Variants in JPH3 observed in about 807,000 individuals in gnomAD.
JPH3 encodes junctophilin-3.
In JPH3, 11 loss-of-function variants were observed where a neutral mutation model predicts 59.6. The observed-to-expected ratio is 0.18, with a 90% CI of 0.12 to 0.31. JPH3 has a LOEUF of 0.31. Ranked by LOEUF, JPH3 falls within the 10% of genes least tolerant of loss-of-function variation. The pLI is 1.00. For synonymous variants in JPH3, 673 were observed against 483.6 expected, an observed-to-expected ratio of 1.39 and a Z score of -5.14; for missense variants, 1,202 against 1,105.7, an observed-to-expected ratio of 1.09 and a Z score of -1.24.
At position 87,674,210 on chromosome 16, in the gene JPH3, T is replaced by C. The variant is rs189266538; in HGVS notation, c.1161-9932T>C. Among the ~76,000 whole-genome samples, 113 of 152,148 alleles carry C rather than the reference T, an allele frequency of 7.4e-4. 2 individuals carry two copies. The highest frequency in any genetic ancestry group is 2.6e-3 in the African/African-American group (108 of 41,516). On this transcript the variant is annotated intron_variant, in intron 2 of 4. Coordinates refer to ENST00000284262, the MANE Select transcript of JPH3 (RefSeq NM_020655.4). ...TTAGCCAGGCGTGGTGGCGGGCGCCTGTAGTCCCAGCTACTCGGGAGTGTG... is the reference window on the plus strand; with the variant it reads ...TTAGCCAGGCGTGGTGGCGGGCGCCCGTAGTCCCAGCTACTCGGGAGTGTG...
At chr16:87,684,893 G>A (rs2033380159) in intron 3 of JPH3, among the ~76,000 whole-genome samples, 1 of 152,078 alleles carries the variant, frequency 6.6e-6, no homozygotes, top group African/African-American at 2.4e-5. Flanking sequence ...TGGGGTGGGT[G>A]GCGGAGAGGC....
intron 2 of JPH3, among the ~76,000 whole-genome samples, chr16:87,646,634 T>C (rs942060751): frequency 2.0e-5 from 3 of 152,242 alleles, no homozygotes; most frequent in African/African-American, 4.8e-5. Flanking sequence ...TGAATTTCTT[T>C]CCTCTGTGTT....
chr16:87,667,311 A>C (rs1259019776), intron 2 of JPH3, among the ~76,000 whole-genome samples: 4 of 152,174 alleles, frequency 2.6e-5, no homozygotes, highest in African/African-American at 9.7e-5. Context: ...TCCCGACGTG[A>C]ATGGAATATT....
intron 2 of JPH3, among the ~76,000 whole-genome samples, chr16:87,677,030 G>A (rs943895793): frequency 2.0e-5 from 3 of 151,442 alleles, no homozygotes; most frequent in Non-Finnish European, 2.9e-5. Flanking sequence ...GTGGTGGCGG[G>A]CGCCTGTAGT....
chr16:87,613,622 A>G (rs552780003), intron 1 of JPH3, among the ~76,000 whole-genome samples: 5 of 152,188 alleles, frequency 3.3e-5, no homozygotes, highest in South Asian at 2.1e-4. Flanking sequence ...AGCCCAGCCT[A>G]TTGTGTTGTT....
rs115575851 is a variant in JPH3 at position 87,695,984 on chromosome 16, A to C, written c.2167-596A>C. On this transcript the variant is annotated intron_variant, in intron 4 of 4. Coordinates refer to ENST00000284262, the MANE Select transcript of JPH3 (RefSeq NM_020655.4). ...GCAGCAGCATTCAGGACCATAACCT[A>C]AATCCAAGGCAGCTCGCAATTGGAC... The C allele has an allele frequency of 1.8e-3, 822 of 456,036 alleles. 6 individuals carry two copies. Among genetic ancestry groups the C allele is most frequent in the African/African-American group, 0.014 (719 of 50,176 alleles). 28.2% of individuals were successfully genotyped at this position (456,036 alleles called of 1,614,324 possible).
At chr16:87,658,770 C>T (rs1201190223) in intron 2 of JPH3, among the ~76,000 whole-genome samples, 1 of 152,188 alleles carries the variant, frequency 6.6e-6, no homozygotes, top group Non-Finnish European at 1.5e-5. Flanking sequence ...CTCCAGCCAC[C>T]CCTCACCTGG....
chr16:87,667,408 A>G lies in JPH3; in HGVS notation c.1161-16734A>G, dbSNP rs549173087. Among the ~76,000 whole-genome samples the G allele has an allele frequency of 1.4e-4, 22 of 152,366 alleles. No individual in the cohort carries two copies. The South Asian group carries it at 4.3e-3, about 30-fold the overall frequency. ...AAGCACAGGCAGTGGAGACTGTGTC[A>G]TGCTCTGATCCGAACAATCGTCCTT... On this transcript the variant is annotated intron_variant, in intron 2 of 4. Coordinates refer to ENST00000284262, the MANE Select transcript of JPH3 (RefSeq NM_020655.4).
intron 1 of JPH3, among the ~76,000 whole-genome samples, chr16:87,619,115 G>A (rs1298441205): frequency 3.3e-5 from 5 of 150,428 alleles, no homozygotes; most frequent in Non-Finnish European, 5.9e-5. Flanking sequence ...GGGGCACTGC[G>A]CACCAGCCTG....
Position 87,603,023 on chromosome 16 carries a change from G to C in JPH3, c.-124G>C, listed in dbSNP as rs1383252808. ...GCCCGCGCCCGAGACCGCGCTCCGG[G>C]GCCGCGTCCTCCTCTCCTCCGGAAA... On this transcript the variant is annotated 5_prime_UTR_variant, in exon 1 of 5. Coordinates refer to ENST00000284262, the MANE Select transcript of JPH3 (RefSeq NM_020655.4). 2.3e-6 allele frequency: 3 copies of C among 1,279,224 alleles called. No homozygotes were observed. The highest frequency in any genetic ancestry group is 3.2e-6 in the Non-Finnish European group (3 of 940,802). 79.2% of individuals were successfully genotyped at this position (1,279,224 alleles called of 1,614,324 possible).
chr16:87,642,100 G>C (rs745375967), intron 1 of JPH3, among the ~76,000 whole-genome samples: 1 of 152,292 alleles, frequency 6.6e-6, no homozygotes, highest in East Asian at 1.9e-4. Flanking sequence ...GGACCCTTTG[G>C]GGGGTGGCGG....
At position 87,696,589 on chromosome 16, in the gene JPH3, C is replaced by T. The variant is rs1403116991; in HGVS notation, c.2176C>T (p.Pro726Ser). The T allele has an allele frequency of 6.2e-7, 1 of 1,613,280 alleles. No homozygotes were observed. Reference sequence around the variant, plus strand: ...CCTCGCTCTCTTCCAGGGCTCAGCGCCTATCCTGGTGGTCATGGTGATCTT... The same window carrying T: ...CCTCGCTCTCTTCCAGGGCTCAGCGTCTATCCTGGTGGTCATGGTGATCTT... ...DELKSSTGSA[P>S]ILVVMVILLN... Residue 726 changes from proline (P) to serine (S), a missense_variant, in exon 5 of 5, where the codon CCT (proline) becomes TCT (serine). Coordinates refer to ENST00000284262, the MANE Select transcript of JPH3 (RefSeq NM_020655.4).
intron 3 of JPH3, among the ~76,000 whole-genome samples, chr16:87,684,831 G>T (rs940798734): frequency 1.3e-5 from 2 of 152,176 alleles, no homozygotes; most frequent in Non-Finnish European, 2.9e-5. Flanking sequence ...CCCTTCGAGG[G>T]GGGGATCATG....
intron 1 of JPH3, among the ~76,000 whole-genome samples, chr16:87,622,741 C>A (rs964685489): frequency 1.3e-5 from 2 of 151,892 alleles, no homozygotes; most frequent in Non-Finnish European, 2.9e-5. Context: ...AAATCAGACC[C>A]CCCCCCGCCC....
At chr16:87,639,623 G>GCCTCCCTCCTGT (rs2031874732) in intron 1 of JPH3, among the ~76,000 whole-genome samples, 1 of 121,646 alleles carries the variant, frequency 8.2e-6, no homozygotes, top group African/African-American at 3.2e-5. Context: ...CTCCCTCCTG[G>GCCTCCCTCCTGT]CCTCCCTCCT....
At chr16:87,688,611 C>A (rs866075490) in intron 3 of JPH3, among the ~76,000 whole-genome samples, 1 of 152,078 alleles carries the variant, frequency 6.6e-6, no homozygotes, top group Admixed American at 6.5e-5. Context: ...AGGTGGCCGC[C>A]CCGGGTAGAG....
In JPH3 at chr16:87,603,103, A is replaced by G; in HGVS notation, c.-44A>G. On this transcript the variant is annotated 5_prime_UTR_variant, in exon 1 of 5. Transcript: ENST00000284262. ...GCGACTCTGCTGTGTCGATCGCCTGAGTCCGTTTTCACCGTTTGCGGGATC... is the reference window on the plus strand; with the variant it reads ...GCGACTCTGCTGTGTCGATCGCCTGGGTCCGTTTTCACCGTTTGCGGGATC... 6.2e-6 allele frequency: 10 copies of G among 1,613,014 alleles called. No individual in the cohort carries two copies. Among genetic ancestry groups the G allele is most frequent in the Non-Finnish European group, 8.5e-6 (10 of 1,179,566 alleles).
chr16:87,617,735 G>T (rs566769064), intron 1 of JPH3, among the ~76,000 whole-genome samples: 193 of 152,234 alleles, frequency 1.3e-3, no homozygotes, highest in African/African-American at 4.6e-3. Context: ...GCAGGTGCAG[G>T]AGCTGAGAGT....
intron 1 of JPH3, among the ~76,000 whole-genome samples, chr16:87,607,595 A>AG (rs2030572366): frequency 6.6e-6 from 1 of 152,248 alleles, no homozygotes; most frequent in Non-Finnish European, 1.5e-5. Flanking sequence ...GGGAGCTCAG[A>AG]TGACAGAGGC....
Sources: allele counts gnomAD v4.1 joint callset (sites outside exome capture counted in the v4.1 genomes callset), GRCh38; gene constraint gnomAD v4.1.1; transcripts MANE v1.5; gene names NCBI Gene and HGNC (gene_info 2026-07-23, HGNC 2026-07-21).